The following SPTAN1 variants were observed in gnomAD, a reference collection of about 807,000 sequenced individuals.
SPTAN1 encodes the protein spectrin alpha chain, non-erythrocytic 1.
SPTAN1 carries 61 observed loss-of-function variants against 331.3 expected under a neutral mutation model. The observed-to-expected ratio is 0.18, with a 90% CI of 0.15 to 0.23. SPTAN1 has a LOEUF of 0.23. Among genes scored for constraint, SPTAN1 ranks in the 10% least tolerant of loss-of-function variants. SPTAN1 has a pLI of 1.00. For synonymous variants in SPTAN1, 1,153 were observed against 1,173.9 expected, an observed-to-expected ratio of 0.98 and a Z score of 0.36; for missense variants, 2,043 against 3,147.9, an observed-to-expected ratio of 0.65 and a Z score of 8.40.
At position 128,627,863 on chromosome 9, in the gene SPTAN1, C is replaced by G. The variant is rs200372004; in HGVS notation, c.6690-62C>G. Reference sequence around the variant, plus strand: ...TTCTTGTGTCTTCTCTCTGTCCCCCCGATTGCTGCTGTTGTCCGGACACCA... The same window carrying G: ...TTCTTGTGTCTTCTCTCTGTCCCCCGGATTGCTGCTGTTGTCCGGACACCA... On this transcript the variant is annotated intron_variant, in intron 50 of 56. Transcript: ENST00000372739. This position sits in a 1 kb window ranked among gnomAD's most constrained non-coding sequence, Gnocchi z 4.9. 5 of 1,594,812 alleles carry G rather than the reference C, an allele frequency of 3.1e-6. No individual in the cohort carries two copies. The South Asian group carries it at 4.4e-5, about 14-fold the overall frequency.
chr9:128,627,558 G>A lies in SPTAN1; in HGVS notation c.6689+60G>A. 6.9e-7 allele frequency: 1 copy of A among 1,458,650 alleles called. No homozygotes were observed. Among genetic ancestry groups the A allele is most frequent in the Non-Finnish European group, 9.4e-7 (1 of 1,063,032 alleles). The allele number at this position is 1,458,650 out of a possible 1,614,324, so 90.4% of individuals were successfully genotyped here. A position where few individuals can be genotyped will look rare whatever the true frequency, so the allele number is the denominator to read the frequency against. On this transcript the variant is annotated intron_variant, in intron 50 of 56. Transcript: ENST00000372739. This position sits in a 1 kb window ranked among gnomAD's most constrained non-coding sequence, Gnocchi z 4.9. ...GTCCCTGCTGTACTTAAGCCCTGGG[G>A]AGCTTCCAGCCCCAAGGAGGTGGTG...
intron 19 of SPTAN1, among the ~76,000 whole-genome samples, chr9:128,586,484 G>A (rs1852653497): frequency 6.6e-6 from 1 of 152,034 alleles, no homozygotes; most frequent in African/African-American, 2.4e-5. Context: ...GGAGAGAGAA[G>A]ATGACTTCTC....
At chr9:128,607,167 C>CT (rs1856002953) in intron 31 of SPTAN1, among the ~76,000 whole-genome samples, 1 of 151,678 alleles carries the variant, frequency 6.6e-6, no homozygotes, top group African/African-American at 2.4e-5. Flanking sequence ...AAGGCTTTTT[C>CT]TTTTTTTTCT....
chr9:128,599,359 T>C (rs1025178625), intron 26 of SPTAN1: 9 of 293,726 alleles, frequency 3.1e-5, no homozygotes, highest in African/African-American at 6.5e-5. Flanking sequence ...GGTCTCGAAC[T>C]CCCAACCTCA....
At chr9:128,597,985 G>A (rs1854539408) in intron 24 of SPTAN1, among the ~76,000 whole-genome samples, 1 of 148,504 alleles carries the variant, frequency 6.7e-6, no homozygotes, top group South Asian at 2.1e-4. Flanking sequence ...TTTCGCTCTT[G>A]TTGCACAGGC....
At chr9:128,600,974 C>CTTTTTTTT (rs60290370) in intron 27 of SPTAN1, among the ~76,000 whole-genome samples, 747 of 40,840 alleles carry the variant, frequency 0.018, 317 homozygotes, top group Non-Finnish European at 0.025. Flanking sequence ...GGGAGAAAGT[C>CTTTTTTTT]TTTTTTTTTT....
chr9:128,621,310 T>G, intron 45 of SPTAN1, 54 bp downstream of exon 45: 2 of 1,514,036 alleles, frequency 1.3e-6, no homozygotes, highest in Non-Finnish European at 9.1e-7. Context: ...ACCCACGTGT[T>G]GGTACCACAG....
chr9:128,619,910 A>C (rs1399414934), intron 44 of SPTAN1, among the ~76,000 whole-genome samples: 1 of 152,234 alleles, frequency 6.6e-6, no homozygotes, highest in Non-Finnish European at 1.5e-5. Flanking sequence ...ACGCTCCTGC[A>C]TTCAGGCAGA....
In SPTAN1 at chr9:128,625,728, C is replaced by G. The variant is rs886441353; in HGVS notation, c.6070-41C>G. Reference sequence around the variant, plus strand: ...AGCCTAGGAAGAGCAAGTTCCAGTCCTGTGGAGTCACCACAAATTGGCTTG... The same window carrying G: ...AGCCTAGGAAGAGCAAGTTCCAGTCGTGTGGAGTCACCACAAATTGGCTTG... On this transcript the variant is annotated intron_variant, in intron 47 of 56. Coordinates refer to ENST00000372739, the MANE Select transcript of SPTAN1 (RefSeq NM_001130438.3). This position sits in a 1 kb window ranked among gnomAD's most constrained non-coding sequence, Gnocchi z 4.1. 1 of 1,588,174 alleles carries G rather than the reference C, an allele frequency of 6.3e-7. No individual in the cohort carries two copies. The highest frequency in any genetic ancestry group is 1.3e-5 in the African/African-American group (1 of 74,514).
intron 31 of SPTAN1, among the ~76,000 whole-genome samples, chr9:128,607,288 G>A (rs1856017956): frequency 6.6e-6 from 1 of 151,982 alleles, no homozygotes; most frequent in Non-Finnish European, 1.5e-5. Context: ...ACAGGCATGA[G>A]CCACCACGCC....
In SPTAN1 at chr9:128,630,442, C is replaced by T; in HGVS notation, c.6762+67C>T. The T allele has an allele frequency of 2.0e-6, 3 of 1,537,660 alleles. No individual in the cohort carries two copies. In the South Asian group the frequency reaches 3.4e-5, roughly 17 times the overall value. On this transcript the variant is annotated intron_variant, in intron 52 of 56. Transcript: ENST00000372739. ...CCAGCCACCCCCCAGGGTACCCCTT[C>T]CCTTCCTGGCTTAAAGTCAGGAACC...
chr9:128,590,130 T>C (rs1420791326), intron 21 of SPTAN1, among the ~76,000 whole-genome samples: 4 of 152,232 alleles, frequency 2.6e-5, no homozygotes, highest in African/African-American at 9.6e-5. Context: ...TCCTTGGCCA[T>C]TTTTAAGAGC....
intron 1 of SPTAN1, chr9:128,553,421 T>C (rs1021919825): frequency 6.6e-6 from 1 of 152,200 alleles, no homozygotes; most frequent in African/African-American, 2.4e-5. Context: ...AGCTTAGCGT[T>C]CTTGTTTGTG....
At chr9:128,565,173 C>T (rs1306479900) in intron 1 of SPTAN1, among the ~76,000 whole-genome samples, 1 of 152,124 alleles carries the variant, frequency 6.6e-6, no homozygotes, top group Non-Finnish European at 1.5e-5. Context: ...CGTGGTGGTG[C>T]AGGCCTGTAG....
chr9:128,621,327 C>T (rs1410335656), intron 45 of SPTAN1, 71 bp downstream of exon 45: 1 of 1,368,036 alleles, frequency 7.3e-7, no homozygotes, highest in African/African-American at 1.4e-5. Context: ...ACAGAGGTCC[C>T]CCAAAGTTCA....
chr9:128,611,515 C>T (rs896731626), intron 37 of SPTAN1, 199 bp from the exon 38 acceptor site: 6 of 623,920 alleles, frequency 9.6e-6, no homozygotes, highest in African/African-American at 7.3e-5. Flanking sequence ...TAGTACATTT[C>T]CTTCCTCCTT....
chr9:128,602,414 G>A (rs1187984612), intron 27 of SPTAN1, among the ~76,000 whole-genome samples: 4 of 150,778 alleles, frequency 2.7e-5, no homozygotes, highest in African/African-American at 7.3e-5. Flanking sequence ...ACGGGGTTTC[G>A]CCAAGTTGGC....
chr9:128,598,127 C>A (rs956855659), intron 24 of SPTAN1, among the ~76,000 whole-genome samples: 2 of 151,616 alleles, frequency 1.3e-5, no homozygotes, highest in African/African-American at 4.9e-5. Flanking sequence ...TTTGTATTTT[C>A]AGTAGGGACA....
chr9:128,626,719 G>A (rs779673690), intron 49 of SPTAN1, 32 bp downstream of exon 49: 7 of 1,574,486 alleles, frequency 4.4e-6, no homozygotes, highest in South Asian at 3.4e-5. Flanking sequence ...GGAGCTGCTC[G>A]GCCTCCCAGA....
Sources: gnomAD v4.1 joint callset for allele counts (sites outside exome capture counted in the v4.1 genomes callset) on GRCh38, gnomAD v4.1.1 for gene constraint, Gnocchi (gnomAD v3.1) non-coding constraint, MANE v1.5 for transcripts, NCBI Gene and HGNC (gene_info 2026-07-23, HGNC 2026-07-21) for gene names.